The following GRID1 variants were observed in gnomAD, a reference collection of about 807,000 sequenced individuals.
GRID1 encodes the protein glutamate ionotropic receptor delta type subunit 1.
In GRID1, 28 loss-of-function variants were observed where a neutral mutation model predicts 98.0. The observed-to-expected ratio is 0.29, with a 90% CI of 0.21 to 0.39. The LOEUF (loss-of-function observed/expected upper bound fraction) is 0.39. Ranked by LOEUF, GRID1 falls within the 10% of genes least tolerant of loss-of-function variation. GRID1 has a pLI of 1.00. For missense variants in GRID1, 1,111 were observed against 1,340.5 expected (o/e 0.83, Z 2.67); for synonymous variants, 553 against 538.5 (o/e 1.03, Z -0.37).
At chr10:85,926,528 G>A (rs556937772) in intron 4 of GRID1, among the ~76,000 whole-genome samples, 1 of 152,192 alleles carries the variant, frequency 6.6e-6, no homozygotes, top group South Asian at 2.1e-4. Context: ...AAGCTCTTGG[G>A]GACCTCACAG....
At position 86,195,234 on chromosome 10, in the gene GRID1, C is replaced by T. The variant is rs1332620077; in HGVS notation, c.520+11130G>A. 6.6e-6 allele frequency among the ~76,000 whole-genome samples: 1 copy of T among 152,034 alleles called. No individual in the cohort carries two copies. The highest frequency in any genetic ancestry group is 1.9e-4 in the East Asian group (1 of 5,194). ...TGACTGAGAAACAGCCAAGCAAAAC[C>T]CACTTCTACATTTGCTGTAAAGGTT... On this transcript the variant is annotated intron_variant, in intron 3 of 15. Transcript: ENST00000327946. The surrounding 1 kb of genome is among the most constrained non-coding windows in gnomAD (Gnocchi z 4.4).
At chr10:85,989,157 C>T (rs72845595) in intron 4 of GRID1, among the ~76,000 whole-genome samples, 6,953 of 152,228 alleles carry the variant, frequency 0.046, 200 homozygotes, top group South Asian at 0.14. Context: ...GGAACAGTGG[C>T]TTGGCCAGTG....
At chr10:85,997,785 GA>G (rs918908632) in intron 4 of GRID1, among the ~76,000 whole-genome samples, 7 of 152,054 alleles carry the variant, frequency 4.6e-5, no homozygotes, top group African/African-American at 1.4e-4. Context: ...AATATGTTTT[GA>G]AAAAAACAAG....
rs73338513 is a variant in GRID1 at position 85,853,760 on chromosome 10, C to T, written c.1233+736G>A. On this transcript the variant is annotated intron_variant, in intron 8 of 15. Coordinates refer to ENST00000327946, the MANE Select transcript of GRID1 (RefSeq NM_017551.3). ...TGTTCTAAGCCCTTACTTGCCATGT[C>T]GGCCTCTTTGTCCTAGCCCTGTTAG... 5.5e-3 allele frequency among the ~76,000 whole-genome samples: 845 copies of T among 152,308 alleles called. 6 individuals carry two copies. The highest frequency in any genetic ancestry group is 0.019 in the African/African-American group (783 of 41,562).
intron 12 of GRID1, among the ~76,000 whole-genome samples, chr10:85,659,017 A>G (rs931123716): frequency 2.6e-5 from 4 of 152,228 alleles, no homozygotes; most frequent in Non-Finnish European, 5.9e-5. Context: ...ATGATAAGCT[A>G]TCGATGTTCC....
chr10:85,980,236 C>A (rs542875566), intron 4 of GRID1, among the ~76,000 whole-genome samples: 5 of 152,380 alleles, frequency 3.3e-5, no homozygotes, highest in African/African-American at 9.6e-5. Context: ...TCCTGTGCCA[C>A]CCACAGCCCC....
chr10:86,054,535 G>C (rs1040289676), intron 4 of GRID1, among the ~76,000 whole-genome samples: 1 of 152,098 alleles, frequency 6.6e-6, no homozygotes, highest in Non-Finnish European at 1.5e-5. Context: ...TTCCTCCCTG[G>C]GTGTAAAGGA....
intron 4 of GRID1, among the ~76,000 whole-genome samples, chr10:86,051,679 A>G (rs1843505082): frequency 6.6e-6 from 1 of 152,264 alleles, no homozygotes; most frequent in African/African-American, 2.4e-5. Flanking sequence ...ACTCCTGAGC[A>G]TGTGATAAGA....
intron 4 of GRID1, among the ~76,000 whole-genome samples, chr10:86,118,469 CA>C (rs1196863949): frequency 6.6e-6 from 1 of 151,130 alleles, no homozygotes; most frequent in Non-Finnish European, 1.5e-5. Flanking sequence ...CCTGTTCCCC[CA>C]AGAACCTATT....
chr10:86,215,947 AC>A (rs1564708979), intron 2 of GRID1, among the ~76,000 whole-genome samples: 1 of 152,150 alleles, frequency 6.6e-6, no homozygotes, highest in Non-Finnish European at 1.5e-5. Context: ...GTACTTGCCA[AC>A]CTTCACGTGC....
In GRID1 at chr10:86,366,155, G is replaced by C. The variant is rs61856637; in HGVS notation, c.79+159C>G. 0.31 allele frequency among the ~76,000 whole-genome samples: 47,340 copies of C among 151,418 alleles called. 11,019 individuals carry two copies. Among genetic ancestry groups the C allele is most frequent in the African/African-American group, 0.64 (26,604 of 41,330 alleles). ...CAGCCAGCGGGAGCGCGGCGCGGCC[G>C]GTGCACAGCTCCTCCGCCGGGCGGC... On this transcript the variant is annotated intron_variant, in intron 1 of 15. Coordinates refer to ENST00000327946, the MANE Select transcript of GRID1 (RefSeq NM_017551.3). This position sits in a 1 kb window ranked among gnomAD's most constrained non-coding sequence, Gnocchi z 4.1.
Position 85,832,998 on chromosome 10 carries a change from T to C in GRID1, c.1233+21498A>G, listed in dbSNP as rs144218220. Among the ~76,000 whole-genome samples, 376 of 152,294 alleles carry C rather than the reference T, an allele frequency of 2.5e-3. 1 individual carries two copies. Among genetic ancestry groups the C allele is most frequent in the African/African-American group, 8.6e-3 (356 of 41,552 alleles). ...CACTGGCAAGGAGATCTCATCATTA[T>C]TGGACACAGCCCAGGAATCCTCTCT... is the stretch of plus-strand genomic sequence containing the variant. On this transcript the variant is annotated intron_variant, in intron 8 of 15. Transcript: ENST00000327946.
intron 12 of GRID1, among the ~76,000 whole-genome samples, chr10:85,698,374 A>G (rs996312692): frequency 6.6e-6 from 1 of 152,208 alleles, no homozygotes; most frequent in African/African-American, 2.4e-5. Context: ...CCACAAATAC[A>G]TCTTTTAAGA....
intron 2 of GRID1, among the ~76,000 whole-genome samples, chr10:86,347,496 C>T (rs1848402123): frequency 6.6e-6 from 1 of 152,196 alleles, no homozygotes; most frequent in Non-Finnish European, 1.5e-5. Flanking sequence ...AGCTGAAGTC[C>T]TGGGACTCCT....
intron 4 of GRID1, among the ~76,000 whole-genome samples, chr10:85,976,073 C>G (rs1209663175): frequency 6.6e-6 from 1 of 152,170 alleles, no homozygotes; most frequent in Non-Finnish European, 1.5e-5. Flanking sequence ...GCCAACACTT[C>G]CGTGATGTGT....
chr10:85,802,204 A>G (rs940388275), intron 8 of GRID1, among the ~76,000 whole-genome samples: 1 of 152,178 alleles, frequency 6.6e-6, no homozygotes, highest in African/African-American at 2.4e-5. Flanking sequence ...ATGCTAATCA[A>G]AAAAGCAACA....
chr10:86,152,015 C>T (rs760962627), intron 3 of GRID1, among the ~76,000 whole-genome samples: 7 of 152,200 alleles, frequency 4.6e-5, no homozygotes, highest in Non-Finnish European at 8.8e-5. Flanking sequence ...TCAAAGGAGC[C>T]CAACAGGAAA....
intron 4 of GRID1, among the ~76,000 whole-genome samples, chr10:85,932,514 A>G (rs1003519438): frequency 6.6e-6 from 1 of 152,060 alleles, no homozygotes; most frequent in African/African-American, 2.4e-5. Context: ...CCCTCCATCC[A>G]CTTTCTATTT....
intron 4 of GRID1, among the ~76,000 whole-genome samples, chr10:86,097,987 G>A (rs751882910): frequency 5.9e-5 from 9 of 152,166 alleles, no homozygotes; most frequent in Non-Finnish European, 1.3e-4. Flanking sequence ...TTTCCAGCAT[G>A]GCTTATCTTC....
Sources: gnomAD v4.1 joint callset for allele counts (sites outside exome capture counted in the v4.1 genomes callset) on GRCh38, gnomAD v4.1.1 for gene constraint, Gnocchi (gnomAD v3.1) non-coding constraint, MANE v1.5 for transcripts, NCBI Gene and HGNC (gene_info 2026-07-23, HGNC 2026-07-21) for gene names.